C2orf81: variants seen among roughly 807,000 people sequenced by gnomAD.
C2orf81 encodes uncharacterized protein C2orf81.
A neutral mutation model predicts 7.9 loss-of-function variants in C2orf81; 5 were observed. The ratio of observed to expected loss-of-function variants is 0.63; its 90% CI spans 0.33 to 1.33. C2orf81 has a LOEUF of 1.33. C2orf81 is among the 40% of genes most tolerant of loss of function. C2orf81 has a pLI of 0.05. For synonymous variants in C2orf81, 346 were observed against 367.4 expected (o/e 0.94, Z 0.66); for missense variants, 781 against 830.4 (o/e 0.94, Z 0.73).
intron 1 of C2orf81, among the ~76,000 whole-genome samples, chr2:74,420,614 C>G (rs768107301): frequency 6.6e-6 from 1 of 152,142 alleles, no homozygotes; most frequent in Non-Finnish European, 1.5e-5. Context: ...TAGCCCAGGC[C>G]AAGCTTGACT....
chr2:74,420,772 CTTTTTTTTTTTTTT>C (rs745827470), intron 1 of C2orf81, among the ~76,000 whole-genome samples: 7 of 72,680 alleles, frequency 9.6e-5, no homozygotes, highest in African/African-American at 2.3e-4. Context: ...TCTTCTTCTT[CTTTTTTTTTTTTTT>C]TTTTTTTTTT....
chr2:74,415,984 G>A lies in C2orf81; in HGVS notation c.249+27C>T. The A allele has an allele frequency of 1.3e-6, 2 of 1,549,388 alleles. No homozygotes were observed. Among genetic ancestry groups the A allele is most frequent in the Non-Finnish European group, 1.7e-6 (2 of 1,146,022 alleles). On this transcript the variant is annotated intron_variant, in intron 2 of 2. Transcript: ENST00000684111. This position sits in a 1 kb window ranked among gnomAD's most constrained non-coding sequence, Gnocchi z 5.5. Reference sequence around the variant, plus strand: ...AGGGAGGGGCGGGAGAGGGAGACGAGTCTGAAGGACCCGGATCCCGGCCCA... The same window carrying A: ...AGGGAGGGGCGGGAGAGGGAGACGAATCTGAAGGACCCGGATCCCGGCCCA...
At chr2:74,418,063 T>TG in intron 1 of C2orf81, 1 of 358,514 alleles carries the variant, frequency 2.8e-6, no homozygotes, top group South Asian at 1.9e-5. Context: ...AGGGAAGGGG[T>TG]GGGGGGTGGG....
chr2:74,420,928 CG>C lies in C2orf81; in HGVS notation c.18+614del, dbSNP rs1676594744. Among the ~76,000 whole-genome samples, 4 of 151,922 alleles carry C rather than the reference CG, an allele frequency of 2.6e-5. No homozygotes were observed. The South Asian group carries it at 8.3e-4, about 32-fold the overall frequency. On this transcript the variant is annotated intron_variant, in intron 1 of 2. Coordinates refer to ENST00000684111, the MANE Select transcript of C2orf81 (RefSeq NM_001316764.3). ...CCCGAGTAGCTGGGATTACAGGCAC[CG>C]CGCCACCACATCCAGCTAATTTTTT...
At chr2:74,417,422 A>C (rs1308049435) in intron 1 of C2orf81, 1 of 1,310,148 alleles carries the variant, frequency 7.6e-7, no homozygotes, top group African/African-American at 1.5e-5. Context: ...TGCAATATGT[A>C]CTCAGATCCC....
rs1310499426 is a variant in C2orf81 at position 74,415,985 on chromosome 2, T to G, written c.249+26A>C. The stretch of plus-strand genomic sequence containing the variant: ...GGGAGGGGCGGGAGAGGGAGACGAG[T>G]CTGAAGGACCCGGATCCCGGCCCAC... On this transcript the variant is annotated intron_variant, in intron 2 of 2. Coordinates refer to ENST00000684111, the MANE Select transcript of C2orf81 (RefSeq NM_001316764.3). This position sits in a 1 kb window ranked among gnomAD's most constrained non-coding sequence, Gnocchi z 5.5. 5.2e-6 allele frequency: 8 copies of G among 1,548,860 alleles called. No individual in the cohort carries two copies. The highest frequency in any genetic ancestry group is 7.0e-6 in the Non-Finnish European group (8 of 1,145,818).
chr2:74,419,647 C>T (rs989089848), intron 1 of C2orf81, among the ~76,000 whole-genome samples: 1 of 152,176 alleles, frequency 6.6e-6, no homozygotes, highest in South Asian at 2.1e-4. Flanking sequence ...TATTCTCCAA[C>T]AAATTCTCTG....
intron 1 of C2orf81, among the ~76,000 whole-genome samples, chr2:74,417,045 C>T (rs1411493456): frequency 3.3e-5 from 5 of 152,092 alleles, no homozygotes; most frequent in African/African-American, 9.7e-5. Flanking sequence ...CTCTTCTCCA[C>T]GAAGAGTAAC....
Position 74,414,657 on chromosome 2 carries a change from C to A in C2orf81, c.1520G>T (p.Trp507Leu). The A allele has an allele frequency of 6.5e-7, 1 of 1,549,410 alleles. No individual in the cohort carries two copies. The change falls in exon 3 of 3, where the codon TGG becomes TTG. Residue 507 changes from tryptophan (W) to leucine (L), a missense_variant. Coordinates refer to ENST00000684111, the MANE Select transcript of C2orf81 (RefSeq NM_001316764.3). This position sits in a 1 kb window ranked among gnomAD's most constrained non-coding sequence, Gnocchi z 5.3. ...LWPSVRWPSG[W>L]EGKAELLGEL... ...GCCCAGCAGCTCGGCCTTCCCCTCC[C>A]AACCGCTGGGCCACCTGACACTGGG...
At position 74,415,914 on chromosome 2, in the gene C2orf81, G is replaced by A; in HGVS notation, c.263C>T (p.Thr88Ile). ...VYLTQQCIPF[T>I]ISQAREAMLQ... The stretch of plus-strand genomic sequence containing the variant: ...CATGGCCTCCCGGGCCTGGCTGATG[G>A]TGAATGGAATGCACTGCGGAGGCGA... Residue 88 changes from threonine to isoleucine, a missense_variant, in exon 3 of 3, where the codon ACC (threonine) becomes ATC (isoleucine). Thr to Ile is a moderately conservative substitution (Grantham distance 89, BLOSUM62 -1). Coordinates refer to ENST00000684111, the MANE Select transcript of C2orf81 (RefSeq NM_001316764.3). The surrounding 1 kb of genome is among the most constrained non-coding windows in gnomAD (Gnocchi z 5.5). The A allele has an allele frequency of 1.3e-6, 2 of 1,548,588 alleles. No homozygotes were observed. The highest frequency in any genetic ancestry group is 1.7e-6 in the Non-Finnish European group (2 of 1,144,588).
intron 1 of C2orf81, among the ~76,000 whole-genome samples, chr2:74,419,179 T>A (rs1676539879): frequency 6.8e-6 from 1 of 146,790 alleles, no homozygotes; most frequent in Non-Finnish European, 1.5e-5. Context: ...AGACTCTGTC[T>A]CAAAAAAGAA....
In C2orf81 at chr2:74,415,631, A is replaced by T; in HGVS notation, c.546T>A (p.Ser182Arg). 1 of 1,551,114 alleles carries T rather than the reference A, an allele frequency of 6.4e-7. No homozygotes were observed. The highest frequency in any genetic ancestry group is 1.2e-5 in the South Asian group (1 of 84,064). The change falls in exon 3 of 3, where the codon AGT becomes AGA. Residue 182 changes from serine (S) to arginine (R), a missense_variant. Coordinates refer to ENST00000684111, the MANE Select transcript of C2orf81 (RefSeq NM_001316764.3). The surrounding 1 kb of genome is among the most constrained non-coding windows in gnomAD (Gnocchi z 5.5). ...ALPFPTSHCP[S>R]AFPQDPGGVD... is the part of the protein sequence containing the mutation. Reference sequence around the variant, plus strand: ...CGCCCCCAGGGTCCTGGGGAAATGCACTCGGGCAGTGAGATGTCGGAAAGG... The same window carrying T: ...CGCCCCCAGGGTCCTGGGGAAATGCTCTCGGGCAGTGAGATGTCGGAAAGG...
rs1480078158 is a variant in C2orf81 at position 74,415,528 on chromosome 2, G to T, written c.649C>A (p.Gln217Lys). 2 of 1,547,286 alleles carry T rather than the reference G, an allele frequency of 1.3e-6. No individual in the cohort carries two copies. Among genetic ancestry groups the T allele is most frequent in the Admixed American group, 3.9e-5 (2 of 50,938 alleles). ...EQMESWEPSP[Q>K]LRVTSAPPPT... ...GGAGGGGCCGACGTGACTCTCAGCT[G>T]CGGAGAAGGCTCCCAAGATTCCATC... is the stretch of plus-strand genomic sequence containing the variant. The change falls in exon 3 of 3, where the codon CAG becomes AAG. Residue 217 changes from glutamine (Q) to lysine (K), a missense_variant. Physicochemically the swap from Gln to Lys is moderately conservative, Grantham distance 53. Coordinates refer to ENST00000684111, the MANE Select transcript of C2orf81 (RefSeq NM_001316764.3). This position sits in a 1 kb window ranked among gnomAD's most constrained non-coding sequence, Gnocchi z 5.5.
At position 74,415,801 on chromosome 2, in the gene C2orf81, G is replaced by T; in HGVS notation, c.376C>A (p.Pro126Thr). Residue 126 changes from proline to threonine, a missense_variant, in exon 3 of 3, where the codon CCT becomes ACT. Physicochemically the swap from Pro to Thr is conservative, Grantham distance 38. Transcript: ENST00000684111. This position sits in a 1 kb window ranked among gnomAD's most constrained non-coding sequence, Gnocchi z 5.5. ...CAGGAGTCCGTCGTGCATGCCGAAGGCTCCTCGTCCTCACCCCATGTGGGG... is the reference window on the plus strand; with the variant it reads ...CAGGAGTCCGTCGTGCATGCCGAAGTCTCCTCGTCCTCACCCCATGTGGGG... ...EDPTWGEDEE[P>T]SACTTDSWAQ... 1 of 1,551,622 alleles carries T rather than the reference G, an allele frequency of 6.4e-7. No individual in the cohort carries two copies. Among genetic ancestry groups the T allele is most frequent in the South Asian group, 1.2e-5 (1 of 84,060 alleles).
At position 74,414,609 on chromosome 2, in the gene C2orf81, C is replaced by G. The variant is rs369138816; in HGVS notation, c.1568G>C (p.Arg523Pro). 1.3e-6 allele frequency: 2 copies of G among 1,549,568 alleles called. No individual in the cohort carries two copies. Among genetic ancestry groups the G allele is most frequent in the South Asian group, 1.2e-5 (1 of 83,812 alleles). Residue 523 changes from arginine (R) to proline (P), a missense_variant, in exon 3 of 3, where the codon CGC becomes CCC. By Grantham distance (103) the Arg-to-Pro change is moderately radical. Coordinates refer to ENST00000684111, the MANE Select transcript of C2orf81 (RefSeq NM_001316764.3). This position sits in a 1 kb window ranked among gnomAD's most constrained non-coding sequence, Gnocchi z 5.3. ...CAGCTCCAGACCCTGTGGAGGCACG[C>G]GGGTCCGGCCAGCCCACAGCTCGCC... ...LLGELWAGRT[R>P]VPPQGLELAD...
In C2orf81 at chr2:74,417,797, T is replaced by C. The variant is rs904907938; in HGVS notation, c.19-1556A>G. 7.7e-6 allele frequency: 4 copies of C among 522,038 alleles called. No homozygotes were observed. In the East Asian group the frequency reaches 2.3e-4, roughly 30 times the overall value. The allele number at this position is 522,038 out of a possible 1,614,324, so 32.3% of individuals were successfully genotyped here. Reference sequence around the variant, plus strand: ...CCCAAACCAAAAGCCCAGAGAGCAATGTCACCACCAAGGGATCAGGGACGC... The same window carrying C: ...CCCAAACCAAAAGCCCAGAGAGCAACGTCACCACCAAGGGATCAGGGACGC... On this transcript the variant is annotated intron_variant, in intron 1 of 2. Transcript: ENST00000684111.
intron 1 of C2orf81, chr2:74,418,642 C>G: frequency 8.7e-6 from 5 of 575,330 alleles, no homozygotes; most frequent in Non-Finnish European, 1.6e-5. Context: ...AGCCCAGGCT[C>G]GGAGTCCCAC....
chr2:74,420,772 C>CTTT (rs745827470), intron 1 of C2orf81, among the ~76,000 whole-genome samples: 2,229 of 72,770 alleles, frequency 0.031, 91 homozygotes, highest in African/African-American at 0.053. Context: ...TCTTCTTCTT[C>CTTT]TTTTTTTTTT....
intron 1 of C2orf81, chr2:74,418,361 T>C (rs757374784): frequency 1.1e-5 from 18 of 1,598,570 alleles, no homozygotes; most frequent in Middle Eastern, 2.0e-4. Context: ...TTGCGCGGCC[T>C]GCCACGGCCC....
Sources: allele counts gnomAD v4.1 joint callset (sites outside exome capture counted in the v4.1 genomes callset), GRCh38; gene constraint gnomAD v4.1.1; non-coding constraint Gnocchi (gnomAD v3.1); transcripts MANE v1.5; gene names NCBI Gene and HGNC (gene_info 2026-07-23, HGNC 2026-07-21).